Variants in KCNIP1 observed in about 807,000 individuals in gnomAD.
KCNIP1 encodes the protein A-type potassium channel modulatory protein KCNIP1.
A neutral mutation model predicts 33.0 loss-of-function variants in KCNIP1; 18 were observed. The ratio of observed to expected loss-of-function variants is 0.55; its 90% CI spans 0.38 to 0.81. KCNIP1 has a LOEUF of 0.81. KCNIP1 is among the 30% of genes least tolerant of loss of function. The pLI, the probability that KCNIP1 is intolerant of heterozygous loss-of-function variation, is 0.00. For synonymous variants in KCNIP1, 93 were observed against 98.3 expected (o/e 0.95, Z 0.32); for missense variants, 238 against 271.6 (o/e 0.88, Z 0.87).
intron 1 of KCNIP1, among the ~76,000 whole-genome samples, chr5:170,582,658 G>C (rs1757839399): frequency 6.6e-6 from 1 of 152,156 alleles, no homozygotes; most frequent in African/African-American, 2.4e-5. Context: ...CTTTGCAGGT[G>C]ACTGAGAAGA....
intron 1 of KCNIP1, chr5:170,378,998 G>A (rs1436951201): frequency 1.2e-6 from 2 of 1,605,730 alleles, no homozygotes; most frequent in African/African-American, 1.3e-5. Context: ...AAGAGCAGCT[G>A]TGGGCTTGGA....
intron 1 of KCNIP1, among the ~76,000 whole-genome samples, chr5:170,573,839 A>G (rs181632589): frequency 2.6e-5 from 4 of 152,242 alleles, no homozygotes; most frequent in Admixed American, 2.0e-4. Flanking sequence ...TATTTACTAT[A>G]TGGGCCAAGA....
intron 1 of KCNIP1, among the ~76,000 whole-genome samples, chr5:170,559,335 T>C (rs1756950296): frequency 6.6e-6 from 1 of 152,220 alleles, no homozygotes; most frequent in South Asian, 2.1e-4. Flanking sequence ...TCAAATCGCC[T>C]ACAAAGCAGA....
At chr5:170,610,795 G>A (rs1443243259) in intron 1 of KCNIP1, among the ~76,000 whole-genome samples, 1 of 152,218 alleles carries the variant, frequency 6.6e-6, no homozygotes, top group Non-Finnish European at 1.5e-5. Flanking sequence ...AACTGCTAGA[G>A]TGTGTTTCCT....
intron 1 of KCNIP1, among the ~76,000 whole-genome samples, chr5:170,495,471 A>C (rs1413815205): frequency 6.6e-6 from 1 of 152,174 alleles, no homozygotes; most frequent in Non-Finnish European, 1.5e-5. Context: ...GGCAGGCCTT[A>C]GAGGGGAACC....
At chr5:170,592,502 C>T (rs1758296993) in intron 1 of KCNIP1, among the ~76,000 whole-genome samples, 1 of 136,498 alleles carries the variant, frequency 7.3e-6, no homozygotes, top group Non-Finnish European at 1.5e-5. Flanking sequence ...ATGAAACCTA[C>T]ATTATTGCAC....
intron 1 of KCNIP1, among the ~76,000 whole-genome samples, chr5:170,661,701 G>A (rs951789630): frequency 3.9e-5 from 6 of 152,118 alleles, no homozygotes; most frequent in Non-Finnish European, 7.3e-5. Context: ...CCTTTTCATC[G>A]CTGCAATTCA....
chr5:170,583,779 T>A (rs1438814980), intron 1 of KCNIP1, among the ~76,000 whole-genome samples: 1 of 152,240 alleles, frequency 6.6e-6, no homozygotes, highest in Non-Finnish European at 1.5e-5. Flanking sequence ...TTTCCGGCAG[T>A]GTTTCTTCTT....
At chr5:170,452,898 G>A (rs556907045) in intron 1 of KCNIP1, among the ~76,000 whole-genome samples, 180 of 152,200 alleles carry the variant, frequency 1.2e-3, no homozygotes, top group Non-Finnish European at 2.0e-3. Flanking sequence ...TCGCTGGATC[G>A]TTCACAGATG....
intron 1 of KCNIP1, among the ~76,000 whole-genome samples, chr5:170,636,899 C>T (rs1760306304): frequency 6.6e-6 from 1 of 152,072 alleles, no homozygotes; most frequent in Admixed American, 6.5e-5. Context: ...GTGAAACAAC[C>T]TCCTCAAGGT....
At chr5:170,548,106 A>G (rs1229852329) in intron 1 of KCNIP1, among the ~76,000 whole-genome samples, 2 of 152,142 alleles carry the variant, frequency 1.3e-5, no homozygotes, top group Non-Finnish European at 2.9e-5. Flanking sequence ...TTTGATTTGC[A>G]TTTCTCACTT....
intron 1 of KCNIP1, among the ~76,000 whole-genome samples, chr5:170,691,872 C>T (rs866998667): frequency 1.3e-5 from 2 of 152,312 alleles, no homozygotes; most frequent in Non-Finnish European, 2.9e-5. Flanking sequence ...GAGATCCTCA[C>T]TCTCAGGAAT....
At chr5:170,390,517 A>AAAAAAAAAAAAAAAAAAAAAAAATAT in intron 1 of KCNIP1, among the ~76,000 whole-genome samples, 1 of 74,546 alleles carries the variant, frequency 1.3e-5, no homozygotes, top group African/African-American at 6.4e-5. Context: ...AAAAAAAACA[A>AAAAAAAAAAAAAAAAAAAAAAAATAT]ATATATATAT....
At chr5:170,464,313 T>C (rs1015151843) in intron 1 of KCNIP1, among the ~76,000 whole-genome samples, 2 of 152,240 alleles carry the variant, frequency 1.3e-5, no homozygotes, top group African/African-American at 4.8e-5. Flanking sequence ...TTATTTATAC[T>C]GCAAAGTGAT....
chr5:170,558,026 A>G (rs1756900522), intron 1 of KCNIP1, among the ~76,000 whole-genome samples: 1 of 152,172 alleles, frequency 6.6e-6, no homozygotes, highest in African/African-American at 2.4e-5. Flanking sequence ...AATTATTGGC[A>G]TTCTGGTTTA....
At chr5:170,458,024 T>G (rs186884298) in intron 1 of KCNIP1, among the ~76,000 whole-genome samples, 15 of 152,162 alleles carry the variant, frequency 9.9e-5, no homozygotes, top group African/African-American at 3.1e-4. Flanking sequence ...CAGGAAACAA[T>G]GGACACAGTT....
At chr5:170,598,904 C>CGCGTGTGTGTGT (rs1412098474) in intron 1 of KCNIP1, among the ~76,000 whole-genome samples, 2 of 133,870 alleles carry the variant, frequency 1.5e-5, no homozygotes, top group Non-Finnish European at 1.6e-5. Context: ...TGTGTGTGCG[C>CGCGTGTGTGTGT]GTGTGTGTGT....
intron 1 of KCNIP1, among the ~76,000 whole-genome samples, chr5:170,460,640 C>T (rs181816233): frequency 9.2e-5 from 14 of 152,222 alleles, no homozygotes; most frequent in Admixed American, 3.9e-4. Flanking sequence ...AAATCCAGCA[C>T]GCTTCTATGA....
At chr5:170,543,789 A>T (rs1756303924) in intron 1 of KCNIP1, among the ~76,000 whole-genome samples, 1 of 152,230 alleles carries the variant, frequency 6.6e-6, no homozygotes, top group African/African-American at 2.4e-5. Flanking sequence ...ATGTGAATGG[A>T]AAAGTTATCC....
Sources: gnomAD v4.1 joint callset for allele counts (sites outside exome capture counted in the v4.1 genomes callset) on GRCh38, gnomAD v4.1.1 for gene constraint, MANE v1.5 for transcripts, NCBI Gene and HGNC (gene_info 2026-07-23, HGNC 2026-07-21) for gene names.